Variants in COL5A2 observed in about 807,000 individuals in gnomAD.
COL5A2 encodes the protein collagen alpha-2(V) chain.
COL5A2 carries 23 observed loss-of-function variants against 208.2 expected under a neutral mutation model. The observed-to-expected ratio is 0.11, with a 90% CI of 0.08 to 0.16. COL5A2 has a LOEUF of 0.16. Among genes scored for constraint, COL5A2 ranks in the 10% least tolerant of loss-of-function variants. The probability of loss-of-function intolerance (pLI) is 1.00; values close to 1 mark genes in which losing one functional copy is unlikely to be tolerated. For missense variants in COL5A2, 1,590 were observed against 1,956.4 expected (o/e 0.81, Z 3.53); for synonymous variants, 625 against 628.5 (o/e 0.99, Z 0.08).
At chr2:189,077,338 A>G (rs1018131786) in intron 16 of COL5A2, among the ~76,000 whole-genome samples, 32 of 152,198 alleles carry the variant, frequency 2.1e-4, no homozygotes, top group African/African-American at 6.8e-4. Flanking sequence ...GAAAGAATGT[A>G]TGGGTCTTGG....
intron 12 of COL5A2, among the ~76,000 whole-genome samples, chr2:189,081,503 G>A (rs1266332998): frequency 6.6e-6 from 1 of 152,052 alleles, no homozygotes; most frequent in African/African-American, 2.4e-5. Flanking sequence ...TGTCTTTGTA[G>A]CAAACCAATG....
chr2:189,437,235 G>A, the COL5A2 span, among the ~76,000 whole-genome samples: 79 of 152,292 alleles, frequency 5.2e-4, no homozygotes, highest in African/African-American at 1.8e-3. Context: ...TGGCTGGCCC[G>A]TGGGAGGCAC....
chr2:189,350,655 A>G, the COL5A2 span, among the ~76,000 whole-genome samples: 17 of 152,152 alleles, frequency 1.1e-4, no homozygotes, highest in Admixed American at 1.1e-3. Flanking sequence ...AGCTGTGGTC[A>G]TGGGTCACTT....
chr2:189,342,372 ATATT>A, the COL5A2 span, among the ~76,000 whole-genome samples: 3 of 142,140 alleles, frequency 2.1e-5, no homozygotes, highest in Non-Finnish European at 1.6e-5. Context: ...TATAATTTAT[ATATT>A]TATTTATTTG....
chr2:189,215,438 TA>T (rs1386382757), intron 1 of COL5A2, among the ~76,000 whole-genome samples: 2 of 152,112 alleles, frequency 1.3e-5, no homozygotes, highest in Non-Finnish European at 2.9e-5. Context: ...GCATAAAAAA[TA>T]AAATATAAAA....
chr2:189,113,300 G>A (rs913826888), intron 1 of COL5A2, among the ~76,000 whole-genome samples: 1 of 151,742 alleles, frequency 6.6e-6, no homozygotes, highest in African/African-American at 2.4e-5. Flanking sequence ...ACAGTGGCTT[G>A]TGCCTGTAGC....
At chr2:189,040,456 G>C (rs1181971003) in intron 50 of COL5A2, among the ~76,000 whole-genome samples, 1 of 150,990 alleles carries the variant, frequency 6.6e-6, no homozygotes, top group African/African-American at 2.4e-5. Context: ...CCCCAAGGAA[G>C]AACTCAGCAA....
chr2:189,136,874 T>A (rs1576549464), intron 1 of COL5A2, among the ~76,000 whole-genome samples: 1 of 152,166 alleles, frequency 6.6e-6, no homozygotes, highest in East Asian at 1.9e-4. Context: ...TGGCAAGCTA[T>A]AAACTTGCTT....
At chr2:189,081,710 T>C (rs530144975) in intron 12 of COL5A2, among the ~76,000 whole-genome samples, 41 of 152,296 alleles carry the variant, frequency 2.7e-4, no homozygotes, top group African/African-American at 8.7e-4. Flanking sequence ...GCTTGGTTTC[T>C]TGACTAAATA....
the COL5A2 span, among the ~76,000 whole-genome samples, chr2:189,344,277 T>C: frequency 6.6e-6 from 1 of 152,156 alleles, no homozygotes; most frequent in Admixed American, 6.6e-5. Flanking sequence ...GACGAAACAG[T>C]TTCCATGGCA....
chr2:189,316,576 C>A, the COL5A2 span, among the ~76,000 whole-genome samples: 2 of 151,914 alleles, frequency 1.3e-5, no homozygotes, highest in East Asian at 3.9e-4. Context: ...ACAACACAAA[C>A]TGGGGTCCTT....
chr2:189,146,216 A>C (rs1688037071), intron 1 of COL5A2, among the ~76,000 whole-genome samples: 1 of 152,162 alleles, frequency 6.6e-6, no homozygotes, highest in African/African-American at 2.4e-5. Flanking sequence ...AAGTGAATGA[A>C]GATAGAATAA....
At chr2:189,225,845 A>G (rs1410783615), upstream of COL5A2, among the ~76,000 whole-genome samples, 2 of 152,146 alleles carry the variant, frequency 1.3e-5, no homozygotes, top group Non-Finnish European at 2.9e-5. Context: ...TCACTTGTAG[A>G]ACAACCAGTG....
At chr2:189,086,631 C>G in intron 9 of COL5A2, 95 bp downstream of exon 9, 1 of 976,648 alleles carries the variant, frequency 1.0e-6, no homozygotes, top group Non-Finnish European at 1.6e-6. Flanking sequence ...AATTTTAAAA[C>G]CAGCCAAAAG....
chr2:189,296,282 TTTTG>T, the COL5A2 span, among the ~76,000 whole-genome samples: 12 of 152,160 alleles, frequency 7.9e-5, no homozygotes, highest in Non-Finnish European at 1.2e-4. Context: ...TCTGTTGGTT[TTTTG>T]TTTGTTTTTT....
chr2:189,109,498 A>T (rs1329193694), intron 2 of COL5A2, among the ~76,000 whole-genome samples: 3 of 152,150 alleles, frequency 2.0e-5, no homozygotes, highest in Non-Finnish European at 4.4e-5. Flanking sequence ...CTTGACAATG[A>T]TGAATTAGAA....
chr2:189,361,084 G>A, the COL5A2 span, among the ~76,000 whole-genome samples: 2 of 151,660 alleles, frequency 1.3e-5, no homozygotes, highest in Admixed American at 6.6e-5. Context: ...AGCAGCTGTT[G>A]GATGGAATGT....
At chr2:189,043,995 G>A (rs909573986) in intron 47 of COL5A2, among the ~76,000 whole-genome samples, 1 of 152,190 alleles carries the variant, frequency 6.6e-6, no homozygotes, top group Non-Finnish European at 1.5e-5. Flanking sequence ...TTTTGTTATT[G>A]TTGGTGGTGG....
intron 2 of COL5A2, among the ~76,000 whole-genome samples, chr2:189,104,901 GTTTC>G (rs1001486298): frequency 9.2e-5 from 14 of 151,770 alleles, no homozygotes; most frequent in African/African-American, 2.7e-4. Flanking sequence ...TCAGTATATA[GTTTC>G]TTTATTGTTT....
Sources: gnomAD v4.1 joint callset for allele counts (sites outside exome capture counted in the v4.1 genomes callset) on GRCh38, gnomAD v4.1.1 for gene constraint, MANE v1.5 for transcripts, NCBI Gene and HGNC (gene_info 2026-07-23, HGNC 2026-07-21) for gene names.